The following CCDC181 variants were observed in gnomAD, a reference collection of about 807,000 sequenced individuals.
The protein encoded by CCDC181 is coiled-coil domain containing 181.
In CCDC181, 35 loss-of-function variants were observed where a neutral mutation model predicts 58.7. The observed-to-expected ratio is 0.60, with a 90% confidence interval of 0.46 to 0.79. The LOEUF (loss-of-function observed/expected upper bound fraction) is 0.79. Ranked by LOEUF, CCDC181 falls within the 30% of genes least tolerant of loss-of-function variation. CCDC181 has a pLI of 0.00. For synonymous variants in CCDC181, 183 were observed against 197.5 expected, an observed-to-expected ratio of 0.93 and a Z score of 0.62; for missense variants, 517 against 583.9, an observed-to-expected ratio of 0.89 and a Z score of 1.18.
chr1:169,426,645 T>A lies in CCDC181; in HGVS notation c.-24+643A>T, dbSNP rs570112474. Among the ~76,000 whole-genome samples the A allele has an allele frequency of 5.3e-5, 8 of 152,306 alleles. No individual in the cohort carries two copies. In the East Asian group the frequency reaches 1.3e-3, roughly 26 times the overall value. On this transcript the variant is annotated intron_variant, in intron 1 of 5. Coordinates refer to ENST00000367806, the MANE Select transcript of CCDC181 (RefSeq NM_001300969.2). ...AAATAGTTTAAATAATTGGGTCCCA[T>A]CTTACAGCGTTTTAAACATATGCTT...
chr1:169,430,819 C>G (rs1412116660), upstream of CCDC181, among the ~76,000 whole-genome samples: 1 of 152,136 alleles, frequency 6.6e-6, no homozygotes, highest in Non-Finnish European at 1.5e-5. Context: ...GGTCCAAATA[C>G]CCACTAGAGG....
intron 1 of CCDC181, among the ~76,000 whole-genome samples, chr1:169,427,019 G>C (rs1656739487): frequency 6.6e-6 from 1 of 152,090 alleles, no homozygotes. Context: ...AGAACTTTGA[G>C]AGGGGAAAGA....
rs34640648 is a variant in CCDC181 at position 169,398,633 on chromosome 1, T to C, written c.1216-1242A>G. 0.06 allele frequency among the ~76,000 whole-genome samples: 9,176 copies of C among 152,262 alleles called. 1,413 individuals carry two copies. In the East Asian group the frequency reaches 0.67, roughly 11 times the overall value. ...TAACCACAAGTCATAAGTGGCTATT[T>C]AAATAAAATTTAAACTTCAGTTTCT... On this transcript the variant is annotated intron_variant, in intron 4 of 5. Coordinates refer to ENST00000367806, the MANE Select transcript of CCDC181 (RefSeq NM_001300969.2).
intron 2 of CCDC181, among the ~76,000 whole-genome samples, chr1:169,443,830 A>G (rs915075590): frequency 2.0e-5 from 3 of 152,156 alleles, no homozygotes; most frequent in Admixed American, 1.3e-4. Flanking sequence ...ACTCACATAC[A>G]CAAGGAAAAT....
At chr1:169,399,149 G>A (rs1571459197) in intron 4 of CCDC181, among the ~76,000 whole-genome samples, 1 of 152,148 alleles carries the variant, frequency 6.6e-6, no homozygotes, top group Admixed American at 6.5e-5. Flanking sequence ...GGGTTTCTGA[G>A]CATAAGTGAC....
In CCDC181 at chr1:169,443,020, T is replaced by C. The variant is rs1379199565; in HGVS notation, c.-24+16777A>G. ...CATATATGTGTCTATATGTGTATTATATATCAGATATATCACATATCTGGA... is the reference window on the plus strand; with the variant it reads ...CATATATGTGTCTATATGTGTATTACATATCAGATATATCACATATCTGGA... On this transcript the variant is annotated intron_variant, in intron 2 of 6. Coordinates refer to the CCDC181 transcript ENST00000545005. The C allele has an allele frequency of 8.6e-5, 13 of 151,816 alleles. No individual in the cohort carries two copies. The East Asian group carries it at 2.5e-3, about 29-fold the overall frequency. The allele number at this position is 151,816 out of a possible 1,614,324, so 9.4% of individuals were successfully genotyped here.
At chr1:169,408,472 C>T (rs1293264640) in intron 4 of CCDC181, among the ~76,000 whole-genome samples, 1 of 152,248 alleles carries the variant, frequency 6.6e-6, no homozygotes, top group Non-Finnish European at 1.5e-5. Context: ...GGCACAGCTT[C>T]AGCAGACTTC....
chr1:169,407,410 T>C (rs937204322), intron 4 of CCDC181, among the ~76,000 whole-genome samples: 1 of 152,042 alleles, frequency 6.6e-6, no homozygotes, highest in Non-Finnish European at 1.5e-5. Flanking sequence ...AATTCTTCGG[T>C]GATTTTCCAC....
chr1:169,424,103 TATATATACACACATACATATGC>T (rs1307004112), intron 2 of CCDC181, among the ~76,000 whole-genome samples: 5 of 151,944 alleles, frequency 3.3e-5, no homozygotes. Flanking sequence ...TGTATATACA[TATATATACACACATACATATGC>T]ATATATACAT....
intron 2 of CCDC181, among the ~76,000 whole-genome samples, chr1:169,448,386 T>C (rs1657439232): frequency 6.6e-6 from 1 of 151,768 alleles, no homozygotes. Flanking sequence ...AATGAATTCC[T>C]TCAGTTTTTG....
At chr1:169,413,374 G>A (rs1000107271) in intron 4 of CCDC181, among the ~76,000 whole-genome samples, 1 of 152,164 alleles carries the variant, frequency 6.6e-6, no homozygotes, top group African/African-American at 2.4e-5. Context: ...AACAATAGAT[G>A]CTGGAGAGGA....
Position 169,395,186 on chromosome 1 carries a change from A to G in CCDC181, c.1391T>C (p.Met464Thr). 1 of 1,611,812 alleles carries G rather than the reference A, an allele frequency of 6.2e-7. No individual in the cohort carries two copies. Among genetic ancestry groups the G allele is most frequent in the Non-Finnish European group, 8.5e-7 (1 of 1,179,268 alleles). ...AFKQWLRRKR[M>T]EKMAEQQAVR... ...AGCTTGTTGCTCTGCCATTTTTTCC[A>G]TCCGTTTCCTTCTTAACCATCTGTA... is the stretch of plus-strand genomic sequence containing the variant. The change falls in exon 6 of 6, where the codon ATG (methionine) becomes ACG (threonine). Residue 464 changes from methionine to threonine, a missense_variant. Coordinates refer to ENST00000367806, the MANE Select transcript of CCDC181 (RefSeq NM_001300969.2).
chr1:169,444,332 A>C (rs116503825), intron 2 of CCDC181, among the ~76,000 whole-genome samples: 147 of 152,292 alleles, frequency 9.7e-4, no homozygotes, highest in African/African-American at 3.3e-3. Flanking sequence ...AGGAAGAAGA[A>C]ATCACGAGTG....
intron 2 of CCDC181, among the ~76,000 whole-genome samples, chr1:169,445,960 G>C (rs1395173690): frequency 6.6e-6 from 1 of 151,932 alleles, no homozygotes; most frequent in African/African-American, 2.4e-5. Context: ...TCTCATTTCT[G>C]ATACTGGTAA....
At chr1:169,404,889 A>G (rs564798953) in intron 4 of CCDC181, among the ~76,000 whole-genome samples, 27 of 152,358 alleles carry the variant, frequency 1.8e-4, no homozygotes, top group African/African-American at 5.8e-4. Flanking sequence ...TGCAGATGAC[A>G]TGATTGTATA....
chr1:169,452,890 G>C (rs1657580324), intron 2 of CCDC181: 1 of 151,792 alleles, frequency 6.6e-6, no homozygotes, highest in Non-Finnish European at 1.5e-5. Flanking sequence ...AAATCCTGAA[G>C]AACTGGAATG....
rs778310813 is a variant in CCDC181 at position 169,422,097 on chromosome 1, G to A, written c.334C>T (p.Gln112Ter). The A allele has an allele frequency of 5.0e-6, 8 of 1,613,036 alleles. No homozygotes were observed. Among genetic ancestry groups the A allele is most frequent in the African/African-American group, 1.3e-5 (1 of 74,818 alleles). The change falls in exon 3 of 6, where the codon CAG becomes TAG. Residue 112 changes from glutamine (Q) to a stop codon, truncating the protein, a stop_gained. Coordinates refer to ENST00000367806, the MANE Select transcript of CCDC181 (RefSeq NM_001300969.2). LOFTEE classifies it high-confidence loss of function. ...NSFQESKLES[Q>*]KDLEEEEDEE... ...TCCTCTTCCTCCTCCAAGTCTTTCT[G>A]GCTTTCTAGTTTGGATTCCTGGAAA...
At chr1:169,403,020 TG>T (rs1395353760) in intron 4 of CCDC181, among the ~76,000 whole-genome samples, 2 of 80,226 alleles carry the variant, frequency 2.5e-5, no homozygotes, top group Admixed American at 1.4e-4. Context: ...TCCTAGTCTC[TG>T]AAAAAACCAG....
intron 2 of CCDC181, among the ~76,000 whole-genome samples, chr1:169,445,139 C>T (rs963535068): frequency 2.6e-5 from 4 of 152,104 alleles, no homozygotes; most frequent in Admixed American, 1.3e-4. Flanking sequence ...CTGCCTGGAA[C>T]GATCTTCTGC....
Sources: allele counts gnomAD v4.1 joint callset (sites outside exome capture counted in the v4.1 genomes callset), GRCh38; gene constraint gnomAD v4.1.1; transcripts MANE v1.5; gene names NCBI Gene and HGNC (gene_info 2026-07-23, HGNC 2026-07-21).